Variants in CAMK1D observed in about 807,000 individuals in gnomAD.
CAMK1D encodes the protein calcium/calmodulin dependent protein kinase ID, also known as calcium/calmodulin-dependent protein kinase type 1D.
CAMK1D carries 9 observed loss-of-function variants against 47.7 expected under a neutral mutation model. That is an observed-to-expected ratio of 0.19 (90% confidence interval 0.11 to 0.33). The LOEUF (loss-of-function observed/expected upper bound fraction) is 0.33, where lower values mean the gene tolerates loss of function less well. CAMK1D is among the 10% of genes least tolerant of loss of function. The probability of loss-of-function intolerance (pLI) is 1.00; values close to 1 mark genes in which losing one functional copy is unlikely to be tolerated. For missense variants in CAMK1D, 291 were observed against 488.7 expected, an observed-to-expected ratio of 0.60 and a Z score of 3.81; for synonymous variants, 184 against 184.9, an observed-to-expected ratio of 0.99 and a Z score of 0.04.
At chr10:12,608,654 A>T (rs1838533887) in intron 2 of CAMK1D, among the ~76,000 whole-genome samples, 1 of 152,244 alleles carries the variant, frequency 6.6e-6, no homozygotes, top group African/African-American at 2.4e-5. Flanking sequence ...GAACTATCTT[A>T]TTTCTTCACT....
intron 2 of CAMK1D, among the ~76,000 whole-genome samples, chr10:12,579,735 AT>A (rs1374707154): frequency 2.0e-5 from 3 of 152,076 alleles, no homozygotes; most frequent in Non-Finnish European, 4.4e-5. Flanking sequence ...ACCAGTCACA[AT>A]TGTCTCTCTG....
intron 2 of CAMK1D, among the ~76,000 whole-genome samples, chr10:12,556,843 T>A (rs1215560997): frequency 6.6e-6 from 1 of 151,992 alleles, no homozygotes; most frequent in Non-Finnish European, 1.5e-5. Flanking sequence ...CAGGACTCTA[T>A]GTATGTAGGG....
intron 5 of CAMK1D, among the ~76,000 whole-genome samples, chr10:12,788,718 C>T (rs1250965732): frequency 6.6e-6 from 1 of 152,160 alleles, no homozygotes; most frequent in African/African-American, 2.4e-5. Context: ...TTGTCAGTTC[C>T]CATAAGACAA....
chr10:12,715,143 T>A (rs1312308843), intron 3 of CAMK1D, among the ~76,000 whole-genome samples: 1 of 152,182 alleles, frequency 6.6e-6, no homozygotes, highest in African/African-American at 2.4e-5. Flanking sequence ...CATTCTACTC[T>A]CTACCTCCTT....
intron 3 of CAMK1D, among the ~76,000 whole-genome samples, chr10:12,691,349 C>CTA (rs1202030191): frequency 1.3e-5 from 1 of 74,520 alleles, no homozygotes; most frequent in African/African-American, 6.2e-5. Flanking sequence ...CTGAAGTTTT[C>CTA]TATATATATA....
chr10:12,640,660 A>G (rs1163908279), intron 2 of CAMK1D, among the ~76,000 whole-genome samples: 1 of 152,124 alleles, frequency 6.6e-6, no homozygotes, highest in Non-Finnish European at 1.5e-5. Flanking sequence ...ATCTCCCTGT[A>G]ACTGGTAAAA....
At chr10:12,788,521 C>T (rs1263412661) in intron 5 of CAMK1D, among the ~76,000 whole-genome samples, 1 of 152,252 alleles carries the variant, frequency 6.6e-6, no homozygotes, top group East Asian at 1.9e-4. Context: ...AGCCGTTGCT[C>T]TAGGAGCCTT....
At chr10:12,555,695 ATTCT>A in intron 2 of CAMK1D, among the ~76,000 whole-genome samples, 1 of 152,214 alleles carries the variant, frequency 6.6e-6, no homozygotes, top group Non-Finnish European at 1.5e-5. Flanking sequence ...TGTAGATTGA[ATTCT>A]GGGTGGGCCC....
chr10:12,769,646 A>G (rs1836944092), intron 4 of CAMK1D, 27 bp from the exon 5 acceptor site: 1 of 1,612,814 alleles, frequency 6.2e-7, no homozygotes, highest in Non-Finnish European at 8.5e-7. Context: ...CGTAGTTTGT[A>G]ATGTTTTTTT....
chr10:12,569,922 C>G (rs973638440), intron 2 of CAMK1D, among the ~76,000 whole-genome samples: 1 of 150,958 alleles, frequency 6.6e-6, no homozygotes, highest in Non-Finnish European at 1.5e-5. Context: ...ATATTTTAGG[C>G]CGGGCATGGT....
intron 3 of CAMK1D, among the ~76,000 whole-genome samples, chr10:12,696,262 C>A (rs1013420539): frequency 1.3e-5 from 2 of 151,970 alleles, no homozygotes; most frequent in African/African-American, 4.8e-5. Flanking sequence ...ATTGGCCAGG[C>A]CTGGTGGCTC....
intron 1 of CAMK1D, among the ~76,000 whole-genome samples, chr10:12,504,162 T>A (rs77840813): frequency 0.01 from 1,535 of 151,002 alleles, 22 homozygotes; most frequent in African/African-American, 0.036. Context: ...ATGTATGTAA[T>A]ATATTCTCAA....
intron 2 of CAMK1D, among the ~76,000 whole-genome samples, chr10:12,611,453 T>G (rs938199540): frequency 1.3e-5 from 2 of 152,092 alleles, no homozygotes; most frequent in Non-Finnish European, 2.9e-5. Flanking sequence ...CAGGTCTGCT[T>G]CCAGGTGAGG....
At chr10:12,656,901 A>G (rs1840133181) in intron 2 of CAMK1D, among the ~76,000 whole-genome samples, 1 of 152,252 alleles carries the variant, frequency 6.6e-6, no homozygotes, top group South Asian at 2.1e-4. Context: ...ATAAATAACA[A>G]GATGACATAT....
chr10:12,586,262 C>T (rs1466236890), intron 2 of CAMK1D, among the ~76,000 whole-genome samples: 1 of 152,010 alleles, frequency 6.6e-6, no homozygotes, highest in Non-Finnish European at 1.5e-5. Context: ...TATAGCATTT[C>T]TGTCATGGCT....
intron 1 of CAMK1D, among the ~76,000 whole-genome samples, chr10:12,419,172 A>T (rs966354426): frequency 6.6e-6 from 1 of 152,088 alleles, no homozygotes; most frequent in South Asian, 2.1e-4. Context: ...TATAAGCTAT[A>T]ATGACTTTAC....
At chr10:12,745,998 C>T (rs1295136004) in intron 3 of CAMK1D, among the ~76,000 whole-genome samples, 1 of 152,216 alleles carries the variant, frequency 6.6e-6, no homozygotes, top group Non-Finnish European at 1.5e-5. Flanking sequence ...ACTTAGACAA[C>T]ATCTTAGGCT....
rs1554786338 is a variant in CAMK1D at position 12,547,647 on chromosome 10, C to CCGCCG, written c.93-5577_93-5576insGCCGC. On this transcript the variant is annotated intron_variant, in intron 1 of 10. Transcript: ENST00000619168. ...TTTCCTGTCACGAGGACACCCCCCC[C>CCGCCG]CCAACCCTGCACTCTCTCTCTCTCT... 4.5e-5 allele frequency among the ~76,000 whole-genome samples: 5 copies of CCGCCG among 112,268 alleles called. No individual in the cohort carries two copies. In the East Asian group the frequency reaches 7.3e-4, roughly 16 times the overall value. 73.7% of individuals were successfully genotyped at this position (112,268 alleles called of 152,430 possible).
chr10:12,726,491 T>C (rs1446796710), intron 3 of CAMK1D, among the ~76,000 whole-genome samples: 1 of 152,206 alleles, frequency 6.6e-6, no homozygotes, highest in Non-Finnish European at 1.5e-5. Flanking sequence ...AAAGCTGACT[T>C]ACACATTGTC....
Sources: gnomAD v4.1 joint callset for allele counts (sites outside exome capture counted in the v4.1 genomes callset) on GRCh38, gnomAD v4.1.1 for gene constraint, MANE v1.5 for transcripts, NCBI Gene and HGNC (gene_info 2026-07-23, HGNC 2026-07-21) for gene names.